Variants in NUP133 observed in about 807,000 individuals in gnomAD.
NUP133 encodes nucleoporin 133.
In NUP133, 66 loss-of-function variants were observed where a neutral mutation model predicts 146.2. The ratio of observed to expected loss-of-function variants is 0.45; its 90% CI spans 0.37 to 0.55. The LOEUF (loss-of-function observed/expected upper bound fraction) is 0.55. NUP133 is among the 20% of genes least tolerant of loss of function. The pLI is 0.00. For missense variants in NUP133, 1,277 were observed against 1,374.8 expected, an observed-to-expected ratio of 0.93 and a Z score of 1.12; for synonymous variants, 521 against 498.8, an observed-to-expected ratio of 1.04 and a Z score of -0.59.
intron 6 of NUP133, 24 bp from the exon 7 acceptor site, chr1:229,496,071 C>A (rs1172476150): frequency 1.3e-6 from 2 of 1,529,126 alleles, no homozygotes; most frequent in East Asian, 2.3e-5. Context: ...AAAAGGAAGT[C>A]AAATTCACAG....
intron 23 of NUP133, among the ~76,000 whole-genome samples, chr1:229,450,313 C>T (rs548191097): frequency 2.1e-4 from 32 of 152,228 alleles, no homozygotes; most frequent in South Asian, 6.2e-4. Context: ...AAAAAAGATA[C>T]CCAGGAATGT....
intron 14 of NUP133, among the ~76,000 whole-genome samples, chr1:229,474,841 G>A (rs1300213893): frequency 6.6e-6 from 1 of 152,154 alleles, no homozygotes; most frequent in African/African-American, 2.4e-5. Context: ...GGTAGCTCAT[G>A]CCTGTAACCT....
At chr1:229,466,576 C>T (rs1393435552) in intron 16 of NUP133, 58 bp downstream of exon 16, 17 of 1,595,270 alleles carry the variant, frequency 1.1e-5, no homozygotes, top group East Asian at 2.2e-5. Flanking sequence ...GAAACCAGTT[C>T]CTTGTCTATC....
Position 229,491,907 on chromosome 1 carries a change from T to G in NUP133, c.1047-1805A>C, listed in dbSNP as rs1207061537. On this transcript the variant is annotated intron_variant, in intron 8 of 25. Coordinates refer to ENST00000261396, the MANE Select transcript of NUP133 (RefSeq NM_018230.3). ...CCAAACAGGGCAACCCTGTCTCTAA[T>G]GTTTAAAAACAAACATATATATTTA... Among the ~76,000 whole-genome samples, 5 of 152,236 alleles carry G rather than the reference T, an allele frequency of 3.3e-5. No homozygotes were observed. The East Asian group carries it at 9.6e-4, about 29-fold the overall frequency.
rs12073697 is a variant in NUP133, at chr1:229,488,663, T to C, written c.1195-1050A>G. Among the ~76,000 whole-genome samples the C allele has an allele frequency of 5.3e-3, 806 of 151,676 alleles. 5 individuals carry two copies. The highest frequency in any genetic ancestry group is 0.018 in the African/African-American group (759 of 41,332). On this transcript the variant is annotated intron_variant, in intron 9 of 25. Coordinates refer to ENST00000261396, the MANE Select transcript of NUP133 (RefSeq NM_018230.3). The stretch of plus-strand genomic sequence containing the variant: ...ACAGGATTCAATTAAACAAGTCATG[T>C]TAAGAGTAAGGATCAAAAAAAAAAA...
chr1:229,443,353 A>AT (rs1252267703), intron 25 of NUP133, among the ~76,000 whole-genome samples: 3 of 152,088 alleles, frequency 2.0e-5, no homozygotes, highest in African/African-American at 7.2e-5. Context: ...TAAGACTTTT[A>AT]TAACACCATT....
intron 25 of NUP133, among the ~76,000 whole-genome samples, chr1:229,443,227 T>TG (rs1476094020): frequency 2.3e-5 from 3 of 132,292 alleles, no homozygotes; most frequent in Non-Finnish European, 3.3e-5. Flanking sequence ...TCTGTAGAGG[T>TG]GGGGGTCTTG....
At position 229,444,939 on chromosome 1, in the gene NUP133, C is replaced by T. The variant is rs764402261; in HGVS notation, c.3309G>A (p.Lys1103=). The T allele has an allele frequency of 2.2e-5, 35 of 1,610,434 alleles. No homozygotes were observed. The highest frequency in any genetic ancestry group is 3.0e-5 in the Non-Finnish European group (35 of 1,177,560). ...IEVSKDSIFV[K]ILQKLLKDGI... ...CATCTTTTAAAAGTTTCTGTAAGAT[C>T]TTCACAAATATACTGTCTTTAGATA... The change falls in exon 25 of 26, where the codon AAG becomes AAA. Residue 1103 remains lysine (K), a synonymous_variant. Coordinates refer to ENST00000261396, the MANE Select transcript of NUP133 (RefSeq NM_018230.3).
chr1:229,446,173 G>A (rs185661593), intron 24 of NUP133, among the ~76,000 whole-genome samples: 34 of 152,258 alleles, frequency 2.2e-4, no homozygotes, highest in Non-Finnish European at 4.6e-4. Flanking sequence ...TTGGGAGGCC[G>A]AGGCAGACAG....
chr1:229,483,696 CAAAAAAAAAA>C (rs35673633), intron 12 of NUP133, among the ~76,000 whole-genome samples: 1 of 57,536 alleles, frequency 1.7e-5, no homozygotes, highest in African/African-American at 5.1e-5. Flanking sequence ...CGGAGTGTCT[CAAAAAAAAAA>C]AAAAAAAAAA....
intron 25 of NUP133, 47 bp downstream of exon 25, chr1:229,444,867 G>C (rs1317399567): frequency 7.5e-7 from 1 of 1,328,292 alleles, no homozygotes; most frequent in Non-Finnish European, 1.1e-6. Flanking sequence ...CCAAAAAACT[G>C]AGGAATGACA....
At chr1:229,485,480 A>G (rs1242228955) in intron 11 of NUP133, among the ~76,000 whole-genome samples, 1 of 152,208 alleles carries the variant, frequency 6.6e-6, no homozygotes, top group Non-Finnish European at 1.5e-5. Flanking sequence ...CGAGGTCATT[A>G]TACACTCCAA....
intron 24 of NUP133, among the ~76,000 whole-genome samples, chr1:229,447,661 G>A (rs1041874677): frequency 6.6e-6 from 1 of 151,794 alleles, no homozygotes; most frequent in African/African-American, 2.4e-5. Flanking sequence ...TCTACATAAC[G>A]AAGCTTCCAT....
rs756200848 is a variant in NUP133 at position 229,452,583 on chromosome 1, G to A, written c.3041C>T (p.Ala1014Val). Residue 1014 changes from alanine to valine, a missense_variant, in exon 22 of 26, where the codon GCG becomes GTG. Ala to Val is a moderately conservative substitution (Grantham distance 64). Around this residue, in one of 3 missense-constraint regions of NUP133, gnomAD observed 952 missense variants for 1,047.0 expected, o/e 0.91. Coordinates refer to ENST00000261396, the MANE Select transcript of NUP133 (RefSeq NM_018230.3). ...HQETLPEQLLAEKQLNLSAMP... is the reference protein window; with the variant it reads ...HQETLPEQLLVEKQLNLSAMP... ...CGCACTGAGATTTAGCTGTTTCTCC[G>A]CCAGCAGCTGTTCAGGTAGGGTCTC... 2.9e-5 allele frequency: 47 copies of A among 1,613,734 alleles called. No homozygotes were observed. The South Asian group carries it at 3.6e-4, about 12-fold the overall frequency.
At chr1:229,505,579 A>C (rs1250576923) in intron 2 of NUP133, among the ~76,000 whole-genome samples, 1 of 147,942 alleles carries the variant, frequency 6.8e-6, no homozygotes, top group Non-Finnish European at 1.5e-5. Flanking sequence ...AAAAAAAAAA[A>C]AAAAAAAAAA....
chr1:229,494,939 G>C (rs1661616208), intron 8 of NUP133, among the ~76,000 whole-genome samples: 1 of 152,198 alleles, frequency 6.6e-6, no homozygotes, highest in Non-Finnish European at 1.5e-5. Flanking sequence ...AGCTGTAAGA[G>C]CAGAAAAGCT....
chr1:229,465,589 A>G, intron 16 of NUP133, 70 bp from the exon 17 acceptor site: 1 of 1,157,832 alleles, frequency 8.6e-7, no homozygotes, highest in Non-Finnish European at 1.3e-6. Context: ...AGATAATTTA[A>G]GACAGCAAAG....
In NUP133 at chr1:229,498,205, G is replaced by A. The variant is rs1326109785; in HGVS notation, c.750C>T (p.Gly250=). The A allele has an allele frequency of 1.9e-6, 3 of 1,613,338 alleles. No individual in the cohort carries two copies. The highest frequency in any genetic ancestry group is 2.2e-5 in the South Asian group (2 of 90,952). ...IHQHILPQGQ[G]MLSGIGRKVS... Reference sequence around the variant, plus strand: ...CTTTTCGACCAATTCCTGAAAGCATGCCTTGCCCCTGAGGCAGGATATGCT... The same window carrying A: ...CTTTTCGACCAATTCCTGAAAGCATACCTTGCCCCTGAGGCAGGATATGCT... The change falls in exon 6 of 26, where the codon GGC becomes GGT. Residue 250 remains glycine (G), a synonymous_variant. Transcript: ENST00000261396.
At chr1:229,468,637 A>G (rs1660880782) in intron 15 of NUP133, among the ~76,000 whole-genome samples, 1 of 152,226 alleles carries the variant, frequency 6.6e-6, no homozygotes, top group African/African-American at 2.4e-5. Flanking sequence ...ACATGTACAT[A>G]CACTAAATTG....
Sources: gnomAD v4.1 joint callset for allele counts (sites outside exome capture counted in the v4.1 genomes callset) on GRCh38, gnomAD v4.1.1 for gene constraint, gnomAD v4.1.1 regional missense constraint, MANE v1.5 for transcripts, NCBI Gene and HGNC (gene_info 2026-07-23, HGNC 2026-07-21) for gene names.